Variants in CACNA1S observed in about 807,000 individuals in gnomAD.
CACNA1S encodes the protein calcium voltage-gated channel subunit alpha1 S.
CACNA1S carries 126 observed loss-of-function variants against 207.4 expected under a neutral mutation model. The observed-to-expected ratio is 0.61, with a 90% confidence interval of 0.53 to 0.70. The LOEUF (loss-of-function observed/expected upper bound fraction) is 0.70, where lower values mean the gene tolerates loss of function less well. Among genes scored for constraint, CACNA1S ranks in the 30% least tolerant of loss-of-function variants. The probability of loss-of-function intolerance (pLI) is 0.00; values close to 1 mark genes in which losing one functional copy is unlikely to be tolerated. For missense variants in CACNA1S, 2,349 were observed against 2,422.8 expected, an observed-to-expected ratio of 0.97 and a Z score of 0.64; for synonymous variants, 960 against 932.7, an observed-to-expected ratio of 1.03 and a Z score of -0.53.
At chr1:201,070,515 AC>A in intron 16 of CACNA1S, 111 bp from the exon 17 acceptor site, 2 of 1,451,482 alleles carry the variant, frequency 1.4e-6, no homozygotes, top group Non-Finnish European at 1.9e-6. Context: ...GCAAGGGACC[AC>A]CAGGCTGACT....
At position 201,060,667 on chromosome 1, in the gene CACNA1S, G is replaced by T; in HGVS notation, c.3405C>A (p.Leu1135=). The change falls in exon 26 of 44, where the codon CTC becomes CTA. Residue 1135 remains leucine (L), a synonymous_variant. Coordinates refer to ENST00000362061, the MANE Select transcript of CACNA1S (RefSeq NM_000069.3). ...FALIMLNTIC[L]GMQHYNQSEQ... ...CCTGGGGAGCCCTTACCTGCATGCCGAGGCAGATGGTGTTGAGCATGATGA... is the reference window on the plus strand; with the variant it reads ...CCTGGGGAGCCCTTACCTGCATGCCTAGGCAGATGGTGTTGAGCATGATGA... 6.2e-7 allele frequency: 1 copy of T among 1,614,168 alleles called. No homozygotes were observed. The highest frequency in any genetic ancestry group is 8.5e-7 in the Non-Finnish European group (1 of 1,180,028).
chr1:201,112,378 C>A lies in CACNA1S; in HGVS notation c.-39G>T. 6.2e-7 allele frequency: 1 copy of A among 1,613,358 alleles called. No homozygotes were observed. The highest frequency in any genetic ancestry group is 8.5e-7 in the Non-Finnish European group (1 of 1,179,956). ...ATCTGGCTTTCTCCTGCTCCCCCAC[C>A]CCAGTGCTTTCCCTTCCCTGTGTCC... On this transcript the variant is annotated 5_prime_UTR_variant, in exon 1 of 44. Coordinates refer to ENST00000362061, the MANE Select transcript of CACNA1S (RefSeq NM_000069.3).
In CACNA1S at chr1:201,043,325, G is replaced by C. The variant is rs140268231; in HGVS notation, c.5004C>G (p.Val1668=). 1.9e-6 allele frequency: 3 copies of C among 1,614,060 alleles called. No individual in the cohort carries two copies. Among genetic ancestry groups the C allele is most frequent in the Non-Finnish European group, 2.5e-6 (3 of 1,180,030 alleles). The part of the protein sequence containing the change: ...RANTNNANAN[V]AYGNSNHSNS... ...TGCTATGGTTGCTGTTGCCATAGGC[G>C]ACATTGGCGTTGGCATTGTTGGTAT... Residue 1668 remains valine (V), a synonymous_variant, in exon 40 of 44, where the codon GTC becomes GTG. Coordinates refer to ENST00000362061, the MANE Select transcript of CACNA1S (RefSeq NM_000069.3).
intron 16 of CACNA1S, among the ~76,000 whole-genome samples, chr1:201,071,029 G>A (rs1259897705): frequency 6.6e-6 from 1 of 152,114 alleles, no homozygotes; most frequent in Non-Finnish European, 1.5e-5. Context: ...ATGAAGAGAC[G>A]GACATTCCAA....
At chr1:201,082,944 T>G (rs940310023) in intron 10 of CACNA1S, among the ~76,000 whole-genome samples, 6 of 152,158 alleles carry the variant, frequency 3.9e-5, no homozygotes, top group Non-Finnish European at 7.4e-5. Flanking sequence ...AAGAGGAAAA[T>G]TGGGTATGTT....
chr1:201,096,090 A>T (rs1057131845), intron 2 of CACNA1S, among the ~76,000 whole-genome samples: 4 of 152,242 alleles, frequency 2.6e-5, no homozygotes, highest in Non-Finnish European at 4.4e-5. Context: ...GCGGCCAGCC[A>T]TGAACACCGG....
intron 38 of CACNA1S, 63 bp downstream of exon 38, chr1:201,047,052 A>G: frequency 1.2e-6 from 2 of 1,607,912 alleles, no homozygotes; most frequent in Non-Finnish European, 1.7e-6. Flanking sequence ...TGGAAGGATA[A>G]CTAGAGTCTG....
In CACNA1S at chr1:201,102,721, A is replaced by T. The variant is rs1187290370; in HGVS notation, c.258+7443T>A. The stretch of plus-strand genomic sequence containing the variant: ...TTAATTTCTCCAGGATCACATAGCT[A>T]CCAAGAGGCAGAGCCATGATATGTA... On this transcript the variant is annotated intron_variant, in intron 2 of 43. Coordinates refer to ENST00000362061, the MANE Select transcript of CACNA1S (RefSeq NM_000069.3). 2.6e-5 allele frequency among the ~76,000 whole-genome samples: 4 copies of T among 152,220 alleles called. No individual in the cohort carries two copies. The East Asian group carries it at 7.7e-4, about 29-fold the overall frequency.
intron 2 of CACNA1S, among the ~76,000 whole-genome samples, chr1:201,094,600 C>G (rs924747533): frequency 6.6e-6 from 1 of 152,110 alleles, no homozygotes; most frequent in Non-Finnish European, 1.5e-5. Context: ...GGGTGGATTA[C>G]TCAGAACTCC....
At chr1:201,090,785 C>T (rs892530443) in intron 5 of CACNA1S, among the ~76,000 whole-genome samples, 19 of 152,154 alleles carry the variant, frequency 1.2e-4, no homozygotes, top group African/African-American at 4.6e-4. Context: ...TTTGGCAGCA[C>T]ACACACACAG....
At chr1:201,046,329 A>G (rs1177175025) in intron 38 of CACNA1S, among the ~76,000 whole-genome samples, 1 of 152,084 alleles carries the variant, frequency 6.6e-6, no homozygotes, top group Non-Finnish European at 1.5e-5. Flanking sequence ...TTACAAGCGT[A>G]TGCCACCATG....
chr1:201,046,418 T>C (rs1478961740), intron 38 of CACNA1S, among the ~76,000 whole-genome samples: 2 of 152,180 alleles, frequency 1.3e-5, no homozygotes, highest in African/African-American at 2.4e-5. Flanking sequence ...TGACCTCAAG[T>C]GATCCGCCCT....
At chr1:201,083,354 G>A (rs758472808) in intron 9 of CACNA1S, 32 bp from the exon 10 acceptor site, 2 of 1,611,994 alleles carry the variant, frequency 1.2e-6, no homozygotes, top group Non-Finnish European at 8.5e-7. Flanking sequence ...GGTCTACAGT[G>A]CTGTGCTGTT....
At position 201,053,348 on chromosome 1, in the gene CACNA1S, C is replaced by T; in HGVS notation, c.3796-74G>A. On this transcript the variant is annotated intron_variant, in intron 30 of 43. Transcript: ENST00000362061. This position sits in a 1 kb window ranked among gnomAD's most constrained non-coding sequence, Gnocchi z 5.1. ...TGTCTGCAGCCCTGCCCTCTGTTAG[C>T]TCCCCAGGGCTCTGCCTTGCCCAGG... 1 of 1,610,608 alleles carries T rather than the reference C, an allele frequency of 6.2e-7. No individual in the cohort carries two copies. The highest frequency in any genetic ancestry group is 8.5e-7 in the Non-Finnish European group (1 of 1,177,024).
Position 201,053,707 on chromosome 1 carries a change from C to T in CACNA1S, c.3667-120G>A. 2 of 1,019,330 alleles carry T rather than the reference C, an allele frequency of 2.0e-6. No individual in the cohort carries two copies. Among genetic ancestry groups the T allele is most frequent in the Non-Finnish European group, 2.9e-6 (2 of 692,952 alleles). 63.1% of individuals were successfully genotyped at this position (1,019,330 alleles called of 1,614,324 possible). On this transcript the variant is annotated intron_variant, in intron 29 of 43. Transcript: ENST00000362061. This position sits in a 1 kb window ranked among gnomAD's most constrained non-coding sequence, Gnocchi z 5.1. ...AGATGTTTGTGGCATGGAGGAACTC[C>T]AGCCCCGCCTCTGGCCCCTGCTGTC...
At chr1:201,041,379 G>T in intron 41 of CACNA1S, 125 bp downstream of exon 41, 1 of 746,094 alleles carries the variant, frequency 1.3e-6, no homozygotes, top group South Asian at 1.5e-5. Context: ...CCAGATGACT[G>T]CCATTGTAAC....
intron 35 of CACNA1S, 46 bp from the exon 36 acceptor site, chr1:201,048,730 C>A: frequency 6.5e-7 from 1 of 1,532,970 alleles, no homozygotes; most frequent in Non-Finnish European, 9.0e-7. Context: ...GGGACCAGGC[C>A]AAGCTTGGCA....
chr1:201,069,152 C>G lies in CACNA1S; in HGVS notation c.2535G>C (p.Val845=), dbSNP rs1349743083. ...FDIGFTSVFT[V]EIVLKMTTYG... ...CTTCACTCACCTTGAGGACAATCTC[C>G]ACAGTGAAGACAGAGGTGAACCCGA... The change falls in exon 19 of 44, where the codon GTG becomes GTC. Residue 845 remains valine (V), a synonymous_variant. Transcript: ENST00000362061. The G allele has an allele frequency of 6.2e-7, 1 of 1,614,120 alleles. No homozygotes were observed. Among genetic ancestry groups the G allele is most frequent in the South Asian group, 1.1e-5 (1 of 91,060 alleles).
chr1:201,062,346 C>G (rs1171432399), intron 23 of CACNA1S, 116 bp downstream of exon 23: 1 of 1,121,174 alleles, frequency 8.9e-7, no homozygotes, highest in African/African-American at 1.5e-5. Flanking sequence ...CTGTGATCGT[C>G]CTGCCACACT....
Sources: allele counts gnomAD v4.1 joint callset (sites outside exome capture counted in the v4.1 genomes callset), GRCh38; gene constraint gnomAD v4.1.1; non-coding constraint Gnocchi (gnomAD v3.1); transcripts MANE v1.5; gene names NCBI Gene and HGNC (gene_info 2026-07-23, HGNC 2026-07-21).